Variants in TUBD1 observed in about 807,000 individuals in gnomAD.
TUBD1 encodes the protein tubulin delta 1.
TUBD1 carries 38 observed loss-of-function variants against 51.2 expected under a neutral mutation model. That is an observed-to-expected ratio of 0.74 (90% CI 0.57 to 0.97). TUBD1 has a LOEUF of 0.97. Among genes scored for constraint, TUBD1 ranks in the 50% least tolerant of loss-of-function variants. The pLI is 0.00. For synonymous variants in TUBD1, 169 were observed against 178.2 expected, an observed-to-expected ratio of 0.95 and a Z score of 0.41; for missense variants, 489 against 538.4, an observed-to-expected ratio of 0.91 and a Z score of 0.91.
intron 2 of TUBD1, among the ~76,000 whole-genome samples, chr17:59,889,713 T>C (rs2040907367): frequency 1.4e-5 from 2 of 147,296 alleles, no homozygotes; most frequent in Non-Finnish European, 3.0e-5. Flanking sequence ...AGAGAGCCTG[T>C]AATCCCATCA....
chr17:59,889,096 AC>A (rs1299773257), intron 2 of TUBD1, among the ~76,000 whole-genome samples: 4 of 98,190 alleles, frequency 4.1e-5, no homozygotes, highest in African/African-American at 1.2e-4. Flanking sequence ...GCTCACTGCA[AC>A]CCCCCTCCCG....
chr17:59,862,771 C>T (rs1310035411), intron 8 of TUBD1, among the ~76,000 whole-genome samples: 1 of 132,440 alleles, frequency 7.6e-6, no homozygotes, highest in African/African-American at 3.0e-5. Context: ...GTCGCCCAGG[C>T]TGGAGTGCAG....
At position 59,890,725 on chromosome 17, in the gene TUBD1, C is replaced by T. The variant is rs565068213; in HGVS notation, c.172+106G>A. The T allele has an allele frequency of 2.2e-3, 2,039 of 935,520 alleles. 6 individuals are homozygous for T. Among genetic ancestry groups the T allele is most frequent in the Non-Finnish European group, 2.8e-3 (1,800 of 643,758 alleles). 58.0% of individuals were successfully genotyped at this position (935,520 alleles called of 1,614,324 possible). On this transcript the variant is annotated intron_variant, in intron 2 of 8. Transcript: ENST00000325752. Reference sequence around the variant, plus strand: ...AATGAAAAGCAAAAACAAAGTAATTCCCTAGTGAGATGGGAAGGAATGGGG... The same window carrying T: ...AATGAAAAGCAAAAACAAAGTAATTTCCTAGTGAGATGGGAAGGAATGGGG...
intron 8 of TUBD1, among the ~76,000 whole-genome samples, chr17:59,861,833 G>A (rs1403280851): frequency 5.9e-4 from 88 of 149,914 alleles, no homozygotes; most frequent in African/African-American, 1.9e-3. Flanking sequence ...ACGCCCAGCT[G>A]TTTTTTGTGT....
chr17:59,883,763 G>T (rs1249643848), intron 3 of TUBD1, among the ~76,000 whole-genome samples: 1 of 151,800 alleles, frequency 6.6e-6, no homozygotes, highest in Non-Finnish European at 1.5e-5. Flanking sequence ...TTGTTGCCTA[G>T]GGTGGACTTG....
intron 2 of TUBD1, among the ~76,000 whole-genome samples, chr17:59,886,975 A>T (rs1169414750): frequency 1.3e-5 from 2 of 152,048 alleles, no homozygotes; most frequent in Non-Finnish European, 2.9e-5. Flanking sequence ...ATCTGAGGTC[A>T]GGAGTTCAAG....
chr17:59,887,743 T>G (rs1050582940), intron 2 of TUBD1, among the ~76,000 whole-genome samples: 1 of 152,184 alleles, frequency 6.6e-6, no homozygotes, highest in Non-Finnish European at 1.5e-5. Flanking sequence ...TCCTCCCACT[T>G]TGGCCTTCTA....
chr17:59,891,309 T>G (rs760374934), intron 1 of TUBD1, among the ~76,000 whole-genome samples: 3 of 152,044 alleles, frequency 2.0e-5, no homozygotes, highest in Non-Finnish European at 4.4e-5. Context: ...TTTTGTATTC[T>G]TAGTAGAGAT....
intron 3 of TUBD1, 171 bp from the exon 4 acceptor site, chr17:59,881,281 A>T: frequency 3.3e-6 from 2 of 599,998 alleles, no homozygotes; most frequent in South Asian, 2.1e-5. Context: ...ACATAAGTTG[A>T]ATATATTTAA....
chr17:59,890,148 T>C (rs2040931404), intron 2 of TUBD1, among the ~76,000 whole-genome samples: 1 of 152,030 alleles, frequency 6.6e-6, no homozygotes, highest in Non-Finnish European at 1.5e-5. Context: ...AAAACAGTAG[T>C]TGGATCTGGT....
intron 2 of TUBD1, among the ~76,000 whole-genome samples, chr17:59,888,959 A>T (rs2040857929): frequency 7.6e-6 from 1 of 130,782 alleles, no homozygotes; most frequent in Non-Finnish European, 1.6e-5. Context: ...TGATTCACCC[A>T]CCTCGGCCTC....
intron 2 of TUBD1, 160 bp from the exon 3 acceptor site, chr17:59,886,390 GGGC>G: frequency 1.4e-6 from 1 of 711,714 alleles, no homozygotes; most frequent in Non-Finnish European, 2.2e-6. Context: ...AAATCTCAGT[GGGC>G]AGCAGCAGGC....
At chr17:59,878,968 A>G (rs1374580231) in intron 4 of TUBD1, among the ~76,000 whole-genome samples, 1 of 152,130 alleles carries the variant, frequency 6.6e-6, no homozygotes, top group African/African-American at 2.4e-5. Flanking sequence ...GATCAACAGG[A>G]AATTGGCTTA....
At chr17:59,874,146 G>T (rs1353497578) in intron 6 of TUBD1, among the ~76,000 whole-genome samples, 1 of 136,844 alleles carries the variant, frequency 7.3e-6, no homozygotes, top group African/African-American at 2.8e-5. Context: ...CTGAGATCAC[G>T]CCACTGCACT....
rs983898580 is a variant in TUBD1, at chr17:59,878,114, C to T, written c.758G>A (p.Arg253Gln). The T allele has an allele frequency of 3.7e-6, 6 of 1,613,396 alleles. No individual in the cohort carries two copies. Among genetic ancestry groups the T allele is most frequent in the East Asian group, 4.5e-5 (2 of 44,880 alleles). Residue 253 changes from arginine to glutamine, a missense_variant, in exon 5 of 9, where the codon CGA becomes CAA. Physicochemically the swap from Arg to Gln is conservative, Grantham distance 43. Coordinates refer to ENST00000325752, the MANE Select transcript of TUBD1 (RefSeq NM_016261.4). ...YSAESSFHYR[R>Q]NPLGDLMEHL... ...AGAGGGACAAATACCTAGTGGATTT[C>T]GTCTGTAGTGAAATGAGCTTTCTGC...
intron 7 of TUBD1, among the ~76,000 whole-genome samples, chr17:59,866,277 C>T (rs2039696922): frequency 6.6e-6 from 1 of 150,694 alleles, no homozygotes; most frequent in Non-Finnish European, 1.5e-5. Flanking sequence ...CTCTGCTGCC[C>T]AGGCTGGAGG....
intron 3 of TUBD1, among the ~76,000 whole-genome samples, chr17:59,882,956 T>TTTTTTTTTTA (rs1436564167): frequency 6.7e-6 from 1 of 149,952 alleles, no homozygotes; most frequent in African/African-American, 2.5e-5. Context: ...AGCTAATTTT[T>TTTTTTTTTTA]GTATTTTTAG....
At chr17:59,865,146 C>A (rs1268078278) in intron 7 of TUBD1, among the ~76,000 whole-genome samples, 1 of 152,154 alleles carries the variant, frequency 6.6e-6, no homozygotes, top group Non-Finnish European at 1.5e-5. Context: ...ATACGTGCCA[C>A]TGTGCTGGGC....
At chr17:59,881,663 A>G (rs1158041816) in intron 3 of TUBD1, among the ~76,000 whole-genome samples, 1 of 143,968 alleles carries the variant, frequency 6.9e-6, no homozygotes, top group East Asian at 2.1e-4. Flanking sequence ...GGAACATTAC[A>G]ATTCTTCTCT....
Sources: gnomAD v4.1 joint callset for allele counts (sites outside exome capture counted in the v4.1 genomes callset) on GRCh38, gnomAD v4.1.1 for gene constraint, MANE v1.5 for transcripts, NCBI Gene and HGNC (gene_info 2026-07-23, HGNC 2026-07-21) for gene names.